Variants in COP1 observed in about 807,000 individuals in gnomAD.
COP1 encodes COP1 E3 ubiquitin ligase, also known as E3 ubiquitin-protein ligase COP1.
Under a neutral mutation model 101.3 loss-of-function variants are expected in COP1, and 24 were observed. That is an observed-to-expected ratio of 0.24 (90% CI 0.17 to 0.33). COP1 has a LOEUF of 0.33. Ranked by LOEUF, COP1 falls within the 10% of genes least tolerant of loss-of-function variation. The pLI is 1.00. For synonymous variants in COP1, 347 were observed against 341.9 expected (o/e 1.01, Z -0.17); for missense variants, 663 against 906.2 (o/e 0.73, Z 3.45).
chr1:176,034,390 T>G (rs1165116718), intron 14 of COP1, among the ~76,000 whole-genome samples: 1 of 152,170 alleles, frequency 6.6e-6, no homozygotes, highest in Non-Finnish European at 1.5e-5. Flanking sequence ...AAGCTAATAC[T>G]CAGAGTAAAA....
chr1:176,129,868 C>T (rs1468281931), intron 8 of COP1, among the ~76,000 whole-genome samples: 1 of 151,720 alleles, frequency 6.6e-6, no homozygotes, highest in African/African-American at 2.4e-5. Flanking sequence ...AATTTAAAAT[C>T]TAACGAATAG....
intron 1 of COP1, among the ~76,000 whole-genome samples, chr1:176,188,110 T>A (rs949470097): frequency 6.6e-6 from 1 of 152,010 alleles, no homozygotes; most frequent in Non-Finnish European, 1.5e-5. Flanking sequence ...TTGTGGAGGC[T>A]GAATTTCCCA....
chr1:176,056,278 A>G (rs887165741), intron 11 of COP1, among the ~76,000 whole-genome samples: 7 of 152,130 alleles, frequency 4.6e-5, no homozygotes, highest in African/African-American at 1.7e-4. Context: ...AAATGTTTGT[A>G]TATGTGTTCT....
In COP1 at chr1:176,202,760, T is replaced by C. The variant is rs1434733790; in HGVS notation, c.407+3812A>G. ...GTGCTAAAATGTAATTAATAGGTAA[T>C]GGCTATATATTGTACTATGCATAGT... On this transcript the variant is annotated intron_variant, in intron 1 of 19. Coordinates refer to ENST00000367669, the MANE Select transcript of COP1 (RefSeq NM_022457.7). Among the ~76,000 whole-genome samples the C allele has an allele frequency of 2.6e-5, 4 of 152,014 alleles. No homozygotes were observed. In the East Asian group the frequency reaches 5.8e-4, roughly 22 times the overall value.
chr1:175,994,059 T>A (rs1659425848), intron 15 of COP1, among the ~76,000 whole-genome samples: 1 of 152,208 alleles, frequency 6.6e-6, no homozygotes, highest in Non-Finnish European at 1.5e-5. Context: ...GCAGAAACTC[T>A]ACAAGCCAGA....
chr1:176,183,321 T>C (rs1572731418), intron 2 of COP1, among the ~76,000 whole-genome samples: 1 of 152,310 alleles, frequency 6.6e-6, no homozygotes, highest in African/African-American at 2.4e-5. Context: ...ATAAGGAGTA[T>C]TAGAACACAA....
intron 3 of COP1, among the ~76,000 whole-genome samples, chr1:176,164,213 T>C (rs1252007607): frequency 2.0e-5 from 3 of 152,196 alleles, no homozygotes; most frequent in Admixed American, 6.5e-5. Flanking sequence ...ACATGCCCCA[T>C]ATGGTAACAA....
intron 8 of COP1, among the ~76,000 whole-genome samples, chr1:176,120,431 A>T (rs1037232278): frequency 1.3e-5 from 2 of 151,646 alleles, no homozygotes; most frequent in African/African-American, 2.4e-5. Context: ...TATCTCCAAA[A>T]AATAAAAAAA....
intron 9 of COP1, among the ~76,000 whole-genome samples, chr1:176,112,187 C>T (rs1325996876): frequency 6.6e-6 from 1 of 150,452 alleles, no homozygotes; most frequent in African/African-American, 2.4e-5. Context: ...AAGTCTCCTT[C>T]ACCACATAAA....
intron 18 of COP1, among the ~76,000 whole-genome samples, chr1:175,979,382 G>A (rs1364844446): frequency 6.6e-6 from 1 of 151,862 alleles, no homozygotes; most frequent in Non-Finnish European, 1.5e-5. Context: ...TCTCAAATGT[G>A]CTTTACTTTT....
chr1:176,100,289 T>C, intron 9 of COP1: 1 of 207,160 alleles, frequency 4.8e-6, no homozygotes, highest in Non-Finnish European at 1.0e-5. Context: ...CTTGGGAGGG[T>C]GAGGCAGGAG....
Position 175,956,246 on chromosome 1 carries a change from A to T in COP1, c.2134-9007T>A, listed in dbSNP as rs1650634500. On this transcript the variant is annotated intron_variant, in intron 18 of 19. Coordinates refer to ENST00000367669, the MANE Select transcript of COP1 (RefSeq NM_022457.7). The stretch of plus-strand genomic sequence containing the variant: ...ACTTGGCAAGTTAAAAAAAAAATAG[A>T]GTAATTTTTACAAATGCTGTTGAAA... Among the ~76,000 whole-genome samples, 4 of 152,130 alleles carry T rather than the reference A, an allele frequency of 2.6e-5. No homozygotes were observed. In the South Asian group the frequency reaches 8.3e-4, roughly 32 times the overall value.
In COP1 at chr1:176,207,086, G is replaced by A. The variant is rs951444315; in HGVS notation, c.-108C>T. 101 of 907,058 alleles carry A rather than the reference G, an allele frequency of 1.1e-4. No homozygotes were observed. The African/African-American group carries it at 1.3e-3, about 12-fold the overall frequency. 56.2% of individuals were successfully genotyped at this position (907,058 alleles called of 1,614,324 possible). A position where few individuals can be genotyped will look rare whatever the true frequency, so the allele number is the denominator to read the frequency against. On this transcript the variant is annotated 5_prime_UTR_variant, in exon 1 of 20. Coordinates refer to ENST00000367669, the MANE Select transcript of COP1 (RefSeq NM_022457.7). ...TCAGTGCATCCTGAGGACGCCCGCC[G>A]AGCCGGAGGTGGGGCTGAGGAACAA... is the stretch of plus-strand genomic sequence containing the variant.
At chr1:175,961,582 G>A (rs959374163) in intron 18 of COP1, among the ~76,000 whole-genome samples, 15 of 151,640 alleles carry the variant, frequency 9.9e-5, no homozygotes, top group African/African-American at 3.6e-4. Context: ...TGTAATCCCA[G>A]CACTTTGGGA....
intron 11 of COP1, among the ~76,000 whole-genome samples, chr1:176,057,625 G>A (rs956096255): frequency 3.3e-5 from 5 of 152,148 alleles, no homozygotes; most frequent in Admixed American, 6.5e-5. Context: ...ACGGAGTCTC[G>A]TTCACTCAGT....
chr1:176,002,184 C>CTT lies in COP1; in HGVS notation c.1730-12706_1730-12705insAA, dbSNP rs576362853. ...TTCTACAAATATTTTCTACCTCTTT[C>CTT]TCTCTCCTCATCTTTTGGAAATCTA... On this transcript the variant is annotated intron_variant, in intron 15 of 19. Coordinates refer to ENST00000367669, the MANE Select transcript of COP1 (RefSeq NM_022457.7). Among the ~76,000 whole-genome samples the CTT allele has an allele frequency of 2.6e-3, 398 of 152,008 alleles. 3 individuals carry two copies. The highest frequency in any genetic ancestry group is 9.2e-3 in the African/African-American group (380 of 41,464).
rs1187722425 is a variant in COP1 at position 176,206,750 on chromosome 1, T to C, written c.229A>G (p.Ser77Gly). ...PVLVAPAVSG[S>G]GGGAVSTGLS... is the part of the protein sequence containing the mutation. ...CCCGTGGACACCGCCCCGCCGCCGC[T>C]ACCCGATACGGCGGGCGCCACCAAC... The change falls in exon 1 of 20, where the codon AGC becomes GGC. Residue 77 changes from serine to glycine, a missense_variant. By Grantham distance (56) the Ser-to-Gly change is moderately conservative. Around this residue, in one of 4 missense-constraint regions of COP1, gnomAD observed 204 missense variants for 203.6 expected, o/e 1.00. Coordinates refer to ENST00000367669, the MANE Select transcript of COP1 (RefSeq NM_022457.7). The C allele has an allele frequency of 6.5e-7, 1 of 1,533,352 alleles. No individual in the cohort carries two copies. Among genetic ancestry groups the C allele is most frequent in the Non-Finnish European group, 8.7e-7 (1 of 1,148,156 alleles). 95.0% of individuals were successfully genotyped at this position (1,533,352 alleles called of 1,614,324 possible). A position where few individuals can be genotyped will look rare whatever the true frequency, so the allele number is the denominator to read the frequency against.
chr1:176,091,712 A>G (rs1386571026), intron 9 of COP1, among the ~76,000 whole-genome samples: 1 of 152,142 alleles, frequency 6.6e-6, no homozygotes, highest in Non-Finnish European at 1.5e-5. Flanking sequence ...ATCGAACCAG[A>G]AGAGGGATGG....
chr1:176,008,502 A>G (rs1355497791), intron 15 of COP1, among the ~76,000 whole-genome samples: 2 of 152,192 alleles, frequency 1.3e-5, no homozygotes, highest in African/African-American at 4.8e-5. Context: ...TTGATAAAGT[A>G]TATTTGTCAT....
Sources: allele counts gnomAD v4.1 joint callset (sites outside exome capture counted in the v4.1 genomes callset), GRCh38; gene constraint gnomAD v4.1.1; regional missense constraint gnomAD v4.1.1; transcripts MANE v1.5; gene names NCBI Gene and HGNC (gene_info 2026-07-23, HGNC 2026-07-21).